LNX1: variants seen among roughly 807,000 people sequenced by gnomAD.
The protein encoded by LNX1 is E3 ubiquitin-protein ligase LNX.
LNX1 carries 54 observed loss-of-function variants against 68.4 expected under a neutral mutation model. The ratio of observed to expected loss-of-function variants is 0.79; its 90% confidence interval spans 0.63 to 0.99. LNX1 has a LOEUF of 0.99. Ranked by LOEUF, LNX1 falls within the 50% of genes least tolerant of loss-of-function variation. The pLI, the probability that LNX1 is intolerant of heterozygous loss-of-function variation, is 0.00. For synonymous variants in LNX1, 336 were observed against 350.0 expected (o/e 0.96, Z 0.45); for missense variants, 906 against 926.4 (o/e 0.98, Z 0.29).
chr4:53,568,536 T>C (rs1459357551), intron 2 of LNX1, among the ~76,000 whole-genome samples: 1 of 149,576 alleles, frequency 6.7e-6, no homozygotes, highest in Non-Finnish European at 1.5e-5. Flanking sequence ...CTACAGCCAA[T>C]ATCATACTGA....
chr4:53,584,174 A>T (rs1277956771), intron 1 of LNX1, among the ~76,000 whole-genome samples: 1 of 152,140 alleles, frequency 6.6e-6, no homozygotes, highest in Admixed American at 6.5e-5. Flanking sequence ...TTTTTTTTAA[A>T]ACAGATAACC....
chr4:53,515,684 C>T (rs1726721875), intron 2 of LNX1, among the ~76,000 whole-genome samples: 1 of 152,108 alleles, frequency 6.6e-6, no homozygotes, highest in Non-Finnish European at 1.5e-5. Flanking sequence ...GGTTATGCTG[C>T]TACAGTGGGT....
intron 1 of LNX1, among the ~76,000 whole-genome samples, chr4:53,640,700 T>C (rs2109884100): frequency 6.6e-6 from 1 of 152,358 alleles, no homozygotes; most frequent in South Asian, 2.1e-4. Flanking sequence ...TGTGTTGTTA[T>C]AGAAATACTG....
chr4:53,528,894 C>T (rs1181407911), intron 2 of LNX1, among the ~76,000 whole-genome samples: 2 of 152,044 alleles, frequency 1.3e-5, no homozygotes, highest in African/African-American at 4.8e-5. Flanking sequence ...CAAACATCAG[C>T]TCAATCAGAG....
At chr4:53,594,976 T>A (rs1732687825), upstream of LNX1, among the ~76,000 whole-genome samples, 2 of 152,164 alleles carry the variant, frequency 1.3e-5, no homozygotes, top group Admixed American at 1.3e-4. Flanking sequence ...CCTCCCAAAG[T>A]GCTGGGATTA....
intron 9 of LNX1, among the ~76,000 whole-genome samples, chr4:53,466,623 C>T (rs550016266): frequency 6.6e-6 from 1 of 152,330 alleles, no homozygotes; most frequent in South Asian, 2.1e-4. Context: ...CCTGGAAAAT[C>T]GGGTCACTTC....
chr4:53,566,678 G>T (rs1014814636), intron 2 of LNX1, among the ~76,000 whole-genome samples: 3 of 152,026 alleles, frequency 2.0e-5, no homozygotes, highest in African/African-American at 7.3e-5. Context: ...TGGACTAAAT[G>T]CTCCAACTAA....
chr4:53,575,858 G>C, intron 1 of LNX1: 1 of 1,590,606 alleles, frequency 6.3e-7, no homozygotes, highest in East Asian at 2.2e-5. Context: ...AGCATGTTTA[G>C]AAAGTTGCTG....
chr4:53,588,425 G>A (rs1399697541), intron 1 of LNX1, among the ~76,000 whole-genome samples: 1 of 152,168 alleles, frequency 6.6e-6, no homozygotes, highest in East Asian at 1.9e-4. Flanking sequence ...TAAAGAATCT[G>A]TCCCAGGTCA....
intron 2 of LNX1, among the ~76,000 whole-genome samples, chr4:53,556,801 T>A (rs1329013136): frequency 6.6e-6 from 1 of 152,322 alleles, no homozygotes; most frequent in East Asian, 1.9e-4. Flanking sequence ...CTGGTCCAGC[T>A]AATTACAAAG....
chr4:53,510,730 A>G (rs1293800821), intron 2 of LNX1, among the ~76,000 whole-genome samples: 1 of 152,240 alleles, frequency 6.6e-6, no homozygotes, highest in Non-Finnish European at 1.5e-5. Context: ...CATGGAAAGG[A>G]AGTTCCTAGC....
At chr4:53,583,917 G>C (rs1560680994) in intron 1 of LNX1, among the ~76,000 whole-genome samples, 1 of 148,552 alleles carries the variant, frequency 6.7e-6, no homozygotes, top group Non-Finnish European at 1.5e-5. Context: ...TGATGAAATA[G>C]AACTGACCCC....
rs557929711 is a variant in LNX1 at position 53,470,752 on chromosome 4, T to G, written c.1892+6001A>C. On this transcript the variant is annotated intron_variant, in intron 9 of 10. Transcript: ENST00000263925. The stretch of plus-strand genomic sequence containing the variant: ...CTCCCATTCACAATTGCTTCAAAGA[T>G]AATAAAATACCTAGGAATCCAACTT... 1.6e-3 allele frequency among the ~76,000 whole-genome samples: 245 copies of G among 152,020 alleles called. 1 individual carries two copies. The Middle Eastern group carries it at 0.034, about 21-fold the overall frequency.
At chr4:53,610,640 A>G (rs2572284) in intron 2 of LNX1, among the ~76,000 whole-genome samples, 63,126 of 147,478 alleles carry the variant, frequency 0.43, 13,300 homozygotes, top group Admixed American at 0.47. Context: ...CCCGGGAGGC[A>G]GAGCCTGCAG....
At chr4:53,513,750 C>T (rs999982307) in intron 2 of LNX1, among the ~76,000 whole-genome samples, 6 of 152,228 alleles carry the variant, frequency 3.9e-5, no homozygotes, top group African/African-American at 1.4e-4. Flanking sequence ...TGGATTATCC[C>T]AACAGTCTCC....
chr4:53,601,687 G>GC (rs375413499), intron 2 of LNX1, among the ~76,000 whole-genome samples: 1 of 152,098 alleles, frequency 6.6e-6, no homozygotes, highest in African/African-American at 2.4e-5. Context: ...CCTCATCTGT[G>GC]CCCCCTAGAG....
chr4:53,508,377 T>C (rs1726081210), intron 2 of LNX1, 150 bp from the exon 3 acceptor site: 1 of 945,672 alleles, frequency 1.1e-6, no homozygotes, highest in Non-Finnish European at 1.5e-6. Flanking sequence ...TCTTCCCTTT[T>C]CACACATCGG....
At chr4:53,607,112 G>T (rs1349933709) in intron 2 of LNX1, among the ~76,000 whole-genome samples, 1 of 152,134 alleles carries the variant, frequency 6.6e-6, no homozygotes, top group Non-Finnish European at 1.5e-5. Flanking sequence ...GGCTAGAGCA[G>T]TCAGGCAAGA....
At chr4:53,624,152 A>T (rs1023071888) in intron 1 of LNX1, among the ~76,000 whole-genome samples, 4 of 151,954 alleles carry the variant, frequency 2.6e-5, no homozygotes, top group African/African-American at 7.3e-5. Flanking sequence ...GGCTTTCTTT[A>T]TTTAGAGTAA....
Sources: allele counts gnomAD v4.1 joint callset (sites outside exome capture counted in the v4.1 genomes callset), GRCh38; gene constraint gnomAD v4.1.1; transcripts MANE v1.5; gene names NCBI Gene and HGNC (gene_info 2026-07-23, HGNC 2026-07-21).